NTM: variants seen among roughly 807,000 people sequenced by gnomAD.
NTM encodes neurotrimin.
A neutral mutation model predicts 42.1 loss-of-function variants in NTM; 13 were observed. The observed-to-expected ratio is 0.31, with a 90% CI of 0.20 to 0.49. NTM has a LOEUF of 0.49. Among genes scored for constraint, NTM ranks in the 20% least tolerant of loss-of-function variants. The pLI, the probability that NTM is intolerant of heterozygous loss-of-function variation, is 0.99. For synonymous variants in NTM, 187 were observed against 179.2 expected, an observed-to-expected ratio of 1.04 and a Z score of -0.35; for missense variants, 373 against 452.8, an observed-to-expected ratio of 0.82 and a Z score of 1.60.
intron 1 of NTM, among the ~76,000 whole-genome samples, chr11:131,826,078 A>G (rs1219216856): frequency 6.6e-6 from 1 of 152,178 alleles, no homozygotes. Flanking sequence ...GATAAACTCC[A>G]ACTTTATAGG....
chr11:131,683,181 TA>T (rs2073268869), intron 1 of NTM, among the ~76,000 whole-genome samples: 1 of 152,212 alleles, frequency 6.6e-6, no homozygotes, highest in Non-Finnish European at 1.5e-5. Flanking sequence ...GCTTTATTCC[TA>T]ATCAAAAGAA....
At chr11:131,774,012 T>C in intron 1 of NTM, 1 of 984,548 alleles carries the variant, frequency 1.0e-6, no homozygotes, top group Non-Finnish European at 1.2e-6. Flanking sequence ...CGTCTCATTT[T>C]TAAACAAAAT....
intron 2 of NTM, among the ~76,000 whole-genome samples, chr11:132,065,151 T>G (rs889709053): frequency 6.6e-6 from 1 of 152,200 alleles, no homozygotes; most frequent in Admixed American, 6.5e-5. Context: ...AAGCAGGCTT[T>G]GTAAACATTG....
chr11:131,923,061 T>TTA (rs563133233), intron 2 of NTM, among the ~76,000 whole-genome samples: 3 of 149,522 alleles, frequency 2.0e-5, no homozygotes, highest in Non-Finnish European at 4.5e-5. Context: ...GTACCCCGTT[T>TTA]AAAAAAAAAA....
intron 1 of NTM, among the ~76,000 whole-genome samples, chr11:131,404,976 A>G (rs970661489): frequency 1.3e-5 from 2 of 152,206 alleles, no homozygotes; most frequent in African/African-American, 4.8e-5. Flanking sequence ...TGTCTATGGA[A>G]GAATGACCAC....
At chr11:131,486,149 G>T (rs1307410064) in intron 1 of NTM, among the ~76,000 whole-genome samples, 1 of 152,126 alleles carries the variant, frequency 6.6e-6, no homozygotes, top group African/African-American at 2.4e-5. Context: ...AGTGTTTGAT[G>T]ATGATGATAA....
chr11:131,789,635 A>AAG (rs2090463396), intron 1 of NTM, among the ~76,000 whole-genome samples: 1 of 37,904 alleles, frequency 2.6e-5, no homozygotes, highest in African/African-American at 9.4e-5. Flanking sequence ...GAAGAAGAAG[A>AAG]AAAGAAGAAG....
chr11:132,330,976 T>C (rs938564486), intron 8 of NTM, among the ~76,000 whole-genome samples: 4 of 152,210 alleles, frequency 2.6e-5, no homozygotes, highest in African/African-American at 9.7e-5. Context: ...ACCTAAGGTC[T>C]TCATCTCATC....
chr11:131,566,425 C>T (rs1036132773), intron 1 of NTM, among the ~76,000 whole-genome samples: 5 of 122,894 alleles, frequency 4.1e-5, no homozygotes, highest in South Asian at 6.0e-4. Flanking sequence ...GTGTGTGTCT[C>T]GATGTGCGTG....
chr11:131,789,635 A>AAGAAG (rs2090463396), intron 1 of NTM, among the ~76,000 whole-genome samples: 3 of 37,906 alleles, frequency 7.9e-5, no homozygotes, highest in African/African-American at 2.8e-4. Context: ...GAAGAAGAAG[A>AAGAAG]AAAGAAGAAG....
intron 1 of NTM, among the ~76,000 whole-genome samples, chr11:131,777,926 T>C (rs2087343432): frequency 6.6e-6 from 1 of 152,186 alleles, no homozygotes; most frequent in Non-Finnish European, 1.5e-5. Flanking sequence ...TATGCTTGCA[T>C]GGTGAGGGAC....
intron 1 of NTM, among the ~76,000 whole-genome samples, chr11:131,374,476 C>T (rs1235971189): frequency 6.6e-6 from 1 of 152,212 alleles, no homozygotes; most frequent in African/African-American, 2.4e-5. Flanking sequence ...ATATAAGCCC[C>T]CAGATCTCGT....
chr11:131,888,164 G>A (rs1416999114), intron 1 of NTM, among the ~76,000 whole-genome samples: 1 of 152,172 alleles, frequency 6.6e-6, no homozygotes, highest in African/African-American at 2.4e-5. Flanking sequence ...AGCCAAGCAT[G>A]GTGGCGTGCG....
intron 1 of NTM, among the ~76,000 whole-genome samples, chr11:131,394,888 G>A (rs186548072): frequency 1.3e-5 from 2 of 152,308 alleles, no homozygotes; most frequent in African/African-American, 4.8e-5. Context: ...TAGGTTCTGG[G>A]AATGAAACAG....
chr11:131,932,879 C>G (rs1411111201), intron 2 of NTM, among the ~76,000 whole-genome samples: 2 of 152,178 alleles, frequency 1.3e-5, no homozygotes, highest in South Asian at 4.2e-4. Flanking sequence ...TTTAACTGCC[C>G]GGGACACACA....
At chr11:131,945,560 A>T (rs2134270656) in intron 2 of NTM, among the ~76,000 whole-genome samples, 1 of 152,302 alleles carries the variant, frequency 6.6e-6, no homozygotes, top group South Asian at 2.1e-4. Flanking sequence ...GAAATATCCA[A>T]ACTAACAGGT....
At chr11:132,004,969 G>A (rs141953541) in intron 2 of NTM, among the ~76,000 whole-genome samples, 5 of 152,202 alleles carry the variant, frequency 3.3e-5, no homozygotes, top group East Asian at 3.9e-4. Context: ...ACCTTACCAC[G>A]CAGAATGACA....
intron 1 of NTM, among the ~76,000 whole-genome samples, chr11:131,412,764 C>G (rs1366497984): frequency 1.3e-5 from 2 of 151,970 alleles, no homozygotes; most frequent in Admixed American, 1.3e-4. Context: ...AATATGTACT[C>G]TAAAGCAATT....
chr11:132,122,092 G>A (rs2064932851), intron 2 of NTM, among the ~76,000 whole-genome samples: 1 of 152,204 alleles, frequency 6.6e-6, no homozygotes, highest in African/African-American at 2.4e-5. Flanking sequence ...TATAGGCGCT[G>A]AATTGCGTGT....
Sources: allele counts gnomAD v4.1 joint callset (sites outside exome capture counted in the v4.1 genomes callset), GRCh38; gene constraint gnomAD v4.1.1; transcripts MANE v1.5; gene names NCBI Gene and HGNC (gene_info 2026-07-23, HGNC 2026-07-21).